Variants in GAS2 observed in about 807,000 individuals in gnomAD.
The protein encoded by GAS2 is growth arrest-specific protein 2.
GAS2 carries 20 observed loss-of-function variants against 37.5 expected under a neutral mutation model. The observed-to-expected ratio is 0.53, with a 90% confidence interval of 0.37 to 0.77. GAS2 has a LOEUF of 0.77. Among genes scored for constraint, GAS2 ranks in the 30% least tolerant of loss-of-function variants. The pLI, the probability that GAS2 is intolerant of heterozygous loss-of-function variation, is 0.00. For synonymous variants in GAS2, 144 were observed against 132.2 expected (o/e 1.09, Z -0.61); for missense variants, 336 against 373.4 (o/e 0.90, Z 0.82).
chr11:22,641,324 TTA>T (rs1386609170), intron 1 of GAS2, among the ~76,000 whole-genome samples: 81 of 93,028 alleles, frequency 8.7e-4, no homozygotes, highest in African/African-American at 1.8e-3. Context: ...TTATATATCT[TTA>T]TATATATATT....
rs191211115 is a variant in GAS2 at position 22,644,603 on chromosome 11, G to A, written c.-21+18790G>A. Among the ~76,000 whole-genome samples, 319 of 152,208 alleles carry A rather than the reference G, an allele frequency of 2.1e-3. 1 individual carries two copies. Among genetic ancestry groups the A allele is most frequent in the African/African-American group, 7.2e-3 (299 of 41,544 alleles). ...ATTTAAACAGATACGTTGAGTGAAA[G>A]CTCCTACTCGTTGATTTTGTTTGTT... On this transcript the variant is annotated intron_variant, in intron 1 of 5. Coordinates refer to the GAS2 transcript ENST00000528582.
intron 3 of GAS2, among the ~76,000 whole-genome samples, chr11:22,705,275 C>G (rs558340806): frequency 6.6e-6 from 1 of 152,112 alleles, no homozygotes; most frequent in African/African-American, 2.4e-5. Context: ...CACCACAGGG[C>G]CTTCACAATT....
chr11:22,790,966 G>A (rs1471128428), intron 7 of GAS2, among the ~76,000 whole-genome samples: 1 of 152,038 alleles, frequency 6.6e-6, no homozygotes, highest in Non-Finnish European at 1.5e-5. Context: ...CATCAGAGGA[G>A]AAATAAAAAT....
At position 22,718,985 on chromosome 11, in the gene GAS2, C is replaced by G. The variant is rs982744584; in HGVS notation, c.268-7307C>G. ...CCTTTGCGAAGCATTTGATACTTCT[C>G]AAACTATCAATGACATAGTAATCTT... On this transcript the variant is annotated intron_variant, in intron 3 of 7. Coordinates refer to ENST00000454584, the MANE Select transcript of GAS2 (RefSeq NM_001143830.3). Among the ~76,000 whole-genome samples the G allele has an allele frequency of 3.9e-5, 6 of 152,038 alleles. No homozygotes were observed. In the South Asian group the frequency reaches 1.2e-3, roughly 32 times the overall value.
chr11:22,743,495 C>G (rs191405542), intron 5 of GAS2, among the ~76,000 whole-genome samples: 1 of 152,074 alleles, frequency 6.6e-6, no homozygotes, highest in East Asian at 1.9e-4. Flanking sequence ...TTAGAATTTC[C>G]ATTTTATATT....
intron 1 of GAS2, among the ~76,000 whole-genome samples, chr11:22,655,521 A>T (rs760588747): frequency 6.6e-6 from 1 of 152,266 alleles, no homozygotes; most frequent in Non-Finnish European, 1.5e-5. Flanking sequence ...ATTTGATCCA[A>T]GTATTTGAAA....
At chr11:22,703,155 G>A (rs1255505611) in intron 3 of GAS2, among the ~76,000 whole-genome samples, 2 of 152,112 alleles carry the variant, frequency 1.3e-5, no homozygotes, top group Non-Finnish European at 2.9e-5. Flanking sequence ...CCTAGCACCA[G>A]CGCAGTGTTG....
At chr11:22,691,247 T>C (rs1325157830) in intron 3 of GAS2, among the ~76,000 whole-genome samples, 1 of 152,176 alleles carries the variant, frequency 6.6e-6, no homozygotes, top group African/African-American at 2.4e-5. Flanking sequence ...GCAGATAGAA[T>C]GCCTACAATA....
At chr11:22,709,082 T>G (rs1851269517) in intron 3 of GAS2, among the ~76,000 whole-genome samples, 1 of 152,122 alleles carries the variant, frequency 6.6e-6, no homozygotes, top group South Asian at 2.1e-4. Context: ...GGAGCTTTCT[T>G]TATCCTAAAA....
intron 2 of GAS2, among the ~76,000 whole-genome samples, chr11:22,684,186 A>G (rs1315027384): frequency 1.3e-5 from 2 of 152,280 alleles, no homozygotes; most frequent in South Asian, 2.1e-4. Flanking sequence ...GTTAGATGGG[A>G]AAGATGGGTT....
At chr11:22,748,486 T>C (rs1405326698) in intron 5 of GAS2, among the ~76,000 whole-genome samples, 1 of 152,062 alleles carries the variant, frequency 6.6e-6, no homozygotes, top group Non-Finnish European at 1.5e-5. Flanking sequence ...AAACACATGT[T>C]TTATACATTG....
chr11:22,806,157 G>C (rs993232934), intron 7 of GAS2, among the ~76,000 whole-genome samples: 2 of 152,144 alleles, frequency 1.3e-5, no homozygotes, highest in African/African-American at 4.8e-5. Flanking sequence ...TCAAGATGGA[G>C]TTGCTCTCAT....
intron 7 of GAS2, among the ~76,000 whole-genome samples, chr11:22,792,860 T>C (rs989399528): frequency 2.0e-5 from 3 of 152,202 alleles, no homozygotes; most frequent in Non-Finnish European, 2.9e-5. Context: ...CCTACTCATA[T>C]TGGAAAATGA....
chr11:22,637,509 TATA>T (rs1362849112), intron 1 of GAS2, among the ~76,000 whole-genome samples: 1 of 9,296 alleles, frequency 1.1e-4, no homozygotes, highest in African/African-American at 8.2e-4. Context: ...GTATACTTAA[TATA>T]ATATTAATTA....
intron 3 of GAS2, among the ~76,000 whole-genome samples, chr11:22,690,750 C>G (rs185168536): frequency 6.6e-6 from 1 of 152,050 alleles, no homozygotes; most frequent in African/African-American, 2.4e-5. Context: ...CTCAGCTACC[C>G]GATCGGAATT....
intron 7 of GAS2, among the ~76,000 whole-genome samples, chr11:22,787,429 G>A (rs1289138881): frequency 6.6e-6 from 1 of 151,984 alleles, no homozygotes; most frequent in Non-Finnish European, 1.5e-5. Context: ...AATTATATGC[G>A]ATATATGCAG....
chr11:22,697,420 G>T (rs566989307), intron 3 of GAS2, among the ~76,000 whole-genome samples: 1 of 152,122 alleles, frequency 6.6e-6, no homozygotes, highest in Non-Finnish European at 1.5e-5. Flanking sequence ...TTGACTTGGC[G>T]ATGCGGGCTC....
chr11:22,680,132 C>T (rs77301270), intron 2 of GAS2, among the ~76,000 whole-genome samples: 2,305 of 152,038 alleles, frequency 0.015, 61 homozygotes, highest in African/African-American at 0.053. Flanking sequence ...TTCTTGTGGC[C>T]CTTTTACCAG....
intron 7 of GAS2, among the ~76,000 whole-genome samples, chr11:22,776,708 G>C (rs1855278120): frequency 6.6e-6 from 1 of 152,132 alleles, no homozygotes; most frequent in Non-Finnish European, 1.5e-5. Flanking sequence ...CTCAACAATT[G>C]TTGCCCTGTA....
Sources: allele counts gnomAD v4.1 joint callset (sites outside exome capture counted in the v4.1 genomes callset), GRCh38; gene constraint gnomAD v4.1.1; transcripts MANE v1.5; gene names NCBI Gene and HGNC (gene_info 2026-07-23, HGNC 2026-07-21).